MTHFD1L: variants seen among roughly 807,000 people sequenced by gnomAD.
The protein encoded by MTHFD1L is methylenetetrahydrofolate dehydrogenase (NADP+ dependent) 1 like.
In MTHFD1L, 81 loss-of-function variants were observed where a neutral mutation model predicts 119.5. That is an observed-to-expected ratio of 0.68 (90% CI 0.57 to 0.82). MTHFD1L has a LOEUF of 0.82. MTHFD1L is among the 40% of genes least tolerant of loss of function. The pLI, the probability that MTHFD1L is intolerant of heterozygous loss-of-function variation, is 0.00. For missense variants in MTHFD1L, 1,125 were observed against 1,253.4 expected (o/e 0.90, Z 1.55); for synonymous variants, 430 against 475.2 (o/e 0.90, Z 1.24).
At chr6:150,950,944 C>T (rs552180547) in intron 16 of MTHFD1L, among the ~76,000 whole-genome samples, 1 of 152,036 alleles carries the variant, frequency 6.6e-6, no homozygotes, top group Non-Finnish European at 1.5e-5. Flanking sequence ...GCTGGGATTA[C>T]ATGCGTGAGC....
At chr6:151,008,333 A>G (rs762722919) in intron 20 of MTHFD1L, among the ~76,000 whole-genome samples, 26 of 152,258 alleles carry the variant, frequency 1.7e-4, no homozygotes, top group Non-Finnish European at 3.2e-4. Flanking sequence ...TGTCCTGGTC[A>G]TACCGTCAGC....
At chr6:151,093,458 A>T (rs1224645652) in intron 27 of MTHFD1L, among the ~76,000 whole-genome samples, 1 of 127,926 alleles carries the variant, frequency 7.8e-6, no homozygotes, top group African/African-American at 3.1e-5. Flanking sequence ...GGAGTTCAAG[A>T]CCAGCCTGGC....
chr6:151,063,032 A>AT (rs200556081), intron 26 of MTHFD1L, among the ~76,000 whole-genome samples: 2,270 of 152,028 alleles, frequency 0.015, 64 homozygotes, highest in African/African-American at 0.051. Flanking sequence ...TTAAAGTACA[A>AT]TAAAAAAAAA....
chr6:150,922,202 A>G lies in MTHFD1L; in HGVS notation c.985-3A>G, dbSNP rs1013152959. On this transcript the variant is annotated splice_polypyrimidine_tract_variant and splice_region_variant and intron_variant, in intron 9 of 27. Transcript: ENST00000367321. ...CATGTTTTCCCCTCTATCCCTGCTG[A>G]AGAACATGGTCAGTAGTGGAAGGAG... 1 of 1,612,516 alleles carries G rather than the reference A, an allele frequency of 6.2e-7. No individual in the cohort carries two copies.
chr6:151,048,350 C>T (rs1173607972), intron 26 of MTHFD1L, among the ~76,000 whole-genome samples: 1 of 152,156 alleles, frequency 6.6e-6, no homozygotes, highest in East Asian at 1.9e-4. Context: ...ACCAAGTCGC[C>T]TCACCCACCA....
chr6:150,957,536 G>C (rs922349522), intron 17 of MTHFD1L, among the ~76,000 whole-genome samples: 1 of 152,050 alleles, frequency 6.6e-6, no homozygotes, highest in Non-Finnish European at 1.5e-5. Context: ...AATGTGTAAC[G>C]TACAGGAAAA....
At chr6:150,972,605 G>A (rs1390274426) in intron 20 of MTHFD1L, among the ~76,000 whole-genome samples, 1 of 152,194 alleles carries the variant, frequency 6.6e-6, no homozygotes, top group Non-Finnish European at 1.5e-5. Flanking sequence ...AGAAGACCCT[G>A]CCTCTGTGAA....
chr6:150,901,024 AAG>A (rs953302058), intron 7 of MTHFD1L, among the ~76,000 whole-genome samples: 1 of 150,374 alleles, frequency 6.7e-6, no homozygotes, highest in African/African-American at 2.5e-5. Context: ...AAAAAAAAAA[AAG>A]AAAAGAAAAG....
chr6:150,955,528 C>G (rs1795507037), intron 16 of MTHFD1L, among the ~76,000 whole-genome samples: 1 of 129,008 alleles, frequency 7.8e-6, no homozygotes, highest in African/African-American at 2.9e-5. Flanking sequence ...TAGAGGGGGT[C>G]TCACTCTGTC....
chr6:150,962,050 C>T (rs538752398), intron 18 of MTHFD1L, among the ~76,000 whole-genome samples: 3 of 152,080 alleles, frequency 2.0e-5, no homozygotes, highest in South Asian at 2.1e-4. Flanking sequence ...AGTACAATGC[C>T]GTGATCTTGG....
chr6:150,946,609 C>G (rs1488054619), intron 15 of MTHFD1L, among the ~76,000 whole-genome samples: 1 of 152,006 alleles, frequency 6.6e-6, no homozygotes, highest in Non-Finnish European at 1.5e-5. Flanking sequence ...AAAAAATAAC[C>G]CTAAATGGTA....
At chr6:150,909,266 T>TTA (rs565456575) in intron 8 of MTHFD1L, among the ~76,000 whole-genome samples, 5 of 140,374 alleles carry the variant, frequency 3.6e-5, no homozygotes, top group Admixed American at 2.9e-4. Context: ...GTAACTACTT[T>TTA]AAAAAAAAAA....
At chr6:150,935,373 A>G in intron 11 of MTHFD1L, 1 of 1,613,946 alleles carries the variant, frequency 6.2e-7, no homozygotes. Context: ...GCTAACAAAC[A>G]AGACTTGAGG....
At chr6:151,058,990 AG>A (rs1790321149) in intron 26 of MTHFD1L, among the ~76,000 whole-genome samples, 1 of 149,362 alleles carries the variant, frequency 6.7e-6, no homozygotes, top group Non-Finnish European at 1.5e-5. Flanking sequence ...GAGCTTCTAA[AG>A]GAAATGTGTT....
At chr6:150,991,204 A>G (rs1779014976) in intron 20 of MTHFD1L, among the ~76,000 whole-genome samples, 2 of 152,142 alleles carry the variant, frequency 1.3e-5, no homozygotes. Flanking sequence ...CAAAATAAAG[A>G]TAGAGTGACT....
At chr6:151,024,557 G>A (rs1057105982) in intron 24 of MTHFD1L, among the ~76,000 whole-genome samples, 2 of 151,946 alleles carry the variant, frequency 1.3e-5, no homozygotes, top group South Asian at 2.1e-4. Context: ...GGCCAGGCAC[G>A]ATGGCTCCCT....
chr6:151,044,548 G>T (rs375418532), intron 26 of MTHFD1L, among the ~76,000 whole-genome samples: 1 of 151,990 alleles, frequency 6.6e-6, no homozygotes, highest in African/African-American at 2.4e-5. Context: ...TGATTCACCT[G>T]CCTCAGCCTC....
chr6:151,007,341 G>C (rs905618477), intron 20 of MTHFD1L, among the ~76,000 whole-genome samples: 1 of 151,466 alleles, frequency 6.6e-6, no homozygotes, highest in East Asian at 1.9e-4. Flanking sequence ...GTGACCCTAA[G>C]AGTGAGCTTC....
rs549854386 is a variant in MTHFD1L, at chr6:151,062,393, G to A, written c.2847+25276G>A. 6.0e-3 allele frequency among the ~76,000 whole-genome samples: 908 copies of A among 152,138 alleles called. 10 individuals are homozygous for A. Among genetic ancestry groups the A allele is most frequent in the African/African-American group, 0.02 (823 of 41,502 alleles). On this transcript the variant is annotated intron_variant, in intron 26 of 27. Transcript: ENST00000367321. ...GCAGAGCTTGCAGTGAGCCAAGATCGCGCCACTGCACTCCAGCCTGGAGAA... is the reference window on the plus strand; with the variant it reads ...GCAGAGCTTGCAGTGAGCCAAGATCACGCCACTGCACTCCAGCCTGGAGAA...
Sources: allele counts gnomAD v4.1 joint callset (sites outside exome capture counted in the v4.1 genomes callset), GRCh38; gene constraint gnomAD v4.1.1; transcripts MANE v1.5; gene names NCBI Gene and HGNC (gene_info 2026-07-23, HGNC 2026-07-21).